KIRREL3: variants seen among roughly 807,000 people sequenced by gnomAD.
KIRREL3 encodes the protein kirre like nephrin family adhesion molecule 3.
In KIRREL3, 36 loss-of-function variants were observed where a neutral mutation model predicts 89.7. That is an observed-to-expected ratio of 0.40 (90% CI 0.31 to 0.53). The LOEUF (loss-of-function observed/expected upper bound fraction) is 0.53, where lower values mean the gene tolerates loss of function less well. Ranked by LOEUF, KIRREL3 falls within the 20% of genes least tolerant of loss-of-function variation. The probability of loss-of-function intolerance (pLI) is 0.49; values close to 1 mark genes in which losing one functional copy is unlikely to be tolerated. For missense variants in KIRREL3, 864 were observed against 1,056.6 expected, an observed-to-expected ratio of 0.82 and a Z score of 2.53; for synonymous variants, 445 against 441.4, an observed-to-expected ratio of 1.01 and a Z score of -0.10.
intron 1 of KIRREL3, among the ~76,000 whole-genome samples, chr11:126,595,006 C>T (rs910863419): frequency 1.6e-4 from 25 of 152,356 alleles, no homozygotes; most frequent in African/African-American, 5.0e-4. Flanking sequence ...TGGGGCACCC[C>T]GTCCTGAGCG....
At position 126,502,946 on chromosome 11, in the gene KIRREL3, G is replaced by A. The variant is rs1470968729; in HGVS notation, c.433+18369C>T. ...AGGAGGTGGGGTGAGCTGGTGTGCG[G>A]CTCAGATAATCGGCCAAGCTGATTT... is the stretch of plus-strand genomic sequence containing the variant. On this transcript the variant is annotated intron_variant, in intron 4 of 16. Coordinates refer to ENST00000525144, the MANE Select transcript of KIRREL3 (RefSeq NM_032531.4). 2.6e-5 allele frequency among the ~76,000 whole-genome samples: 4 copies of A among 152,064 alleles called. No homozygotes were observed. In the South Asian group the frequency reaches 8.3e-4, roughly 32 times the overall value.
intron 11 of KIRREL3, among the ~76,000 whole-genome samples, chr11:126,438,267 G>T (rs186676589): frequency 1.2e-4 from 19 of 152,362 alleles, no homozygotes; most frequent in Non-Finnish European, 1.2e-4. Context: ...GATCACCTTC[G>T]TCTGCCTTAG....
At chr11:126,644,073 C>T (rs1011879388) in intron 1 of KIRREL3, among the ~76,000 whole-genome samples, 2 of 152,114 alleles carry the variant, frequency 1.3e-5, no homozygotes, top group African/African-American at 4.8e-5. Context: ...AAGGAAGTGG[C>T]ATCAGCCTCA....
At chr11:126,968,279 A>C (rs1949333081) in intron 1 of KIRREL3, among the ~76,000 whole-genome samples, 3 of 152,206 alleles carry the variant, frequency 2.0e-5, no homozygotes, top group Admixed American at 2.0e-4. Context: ...CACAGCTTGC[A>C]TATTACAGGA....
chr11:126,659,146 C>T (rs1292283387), intron 1 of KIRREL3, among the ~76,000 whole-genome samples: 1 of 152,134 alleles, frequency 6.6e-6, no homozygotes, highest in South Asian at 2.1e-4. Context: ...TAGTCATGAA[C>T]GTTAATAATA....
rs1244101481 is a variant in KIRREL3 at position 126,497,201 on chromosome 11, TGAGTGTGAGTGTGTGA to T, written c.434-23751_434-23736del. Among the ~76,000 whole-genome samples the T allele has an allele frequency of 6.0e-3, 232 of 38,892 alleles. 1 individual carries two copies. Among genetic ancestry groups the T allele is most frequent in the African/African-American group, 0.02 (218 of 11,030 alleles). 25.5% of individuals were successfully genotyped at this position (38,892 alleles called of 152,430 possible). ...GAGTGTGTGAGAGTGTGAGTGTGTG[TGAGTGTGAGTGTGTGA>T]GAGTGAGTGTGTGTGAGACAGTGTG... On this transcript the variant is annotated intron_variant, in intron 4 of 16. Coordinates refer to ENST00000525144, the MANE Select transcript of KIRREL3 (RefSeq NM_032531.4).
In KIRREL3 at chr11:126,697,747, G is replaced by C. The variant is rs1487579353; in HGVS notation, c.56-134835C>G. 9.2e-5 allele frequency among the ~76,000 whole-genome samples: 14 copies of C among 152,160 alleles called. No individual in the cohort carries two copies. Among genetic ancestry groups the C allele is most frequent in the Admixed American group, 9.2e-4 (14 of 15,274 alleles). On this transcript the variant is annotated intron_variant, in intron 1 of 16. Transcript: ENST00000525144. This position sits in a 1 kb window ranked among gnomAD's most constrained non-coding sequence, Gnocchi z 4.2. ...GACTCAGCTTCTCCCGGGGCCTCCG[G>C]GTGGGTCCCATGATTGCTCTGATCA...
intron 1 of KIRREL3, among the ~76,000 whole-genome samples, chr11:126,582,603 C>A (rs1418959709): frequency 1.3e-5 from 2 of 152,100 alleles, no homozygotes; most frequent in Non-Finnish European, 2.9e-5. Context: ...ACCTTAGCTG[C>A]AGGTCAGGTG....
In KIRREL3 at chr11:126,782,546, G is replaced by A. The variant is rs141320695; in HGVS notation, c.55+217909C>T. ...TTGTATTAATTCAGAAAAGAAATTC[G>A]TAGGTTTACAATTCTATATGCTGTA... On this transcript the variant is annotated intron_variant, in intron 1 of 16. Transcript: ENST00000525144. The surrounding 1 kb of genome is among the most constrained non-coding windows in gnomAD (Gnocchi z 4.1). Among the ~76,000 whole-genome samples the A allele has an allele frequency of 1.4e-4, 21 of 152,268 alleles. No individual in the cohort carries two copies. The highest frequency in any genetic ancestry group is 1.9e-4 in the African/African-American group (8 of 41,548).
rs111320623 is a variant in KIRREL3, at chr11:126,440,216, C to T, written c.1353+233G>A. ...GGAATTTGGTCAGAGCCGTTCATGT[C>T]AGAGCTCAGCAGAATGGCAGCTGAA... On this transcript the variant is annotated intron_variant, in intron 11 of 16. Transcript: ENST00000525144. The T allele has an allele frequency of 1.0e-3, 716 of 693,332 alleles. 8 individuals carry two copies. In the African/African-American group the frequency reaches 0.011, roughly 11 times the overall value. The allele number at this position is 693,332 out of a possible 1,614,324, so 42.9% of individuals were successfully genotyped here.
Position 126,954,284 on chromosome 11 carries a change from C to A in KIRREL3, c.55+46171G>T, listed in dbSNP as rs1036097239. 6.6e-6 allele frequency among the ~76,000 whole-genome samples: 1 copy of A among 151,584 alleles called. No homozygotes were observed. The highest frequency in any genetic ancestry group is 1.5e-5 in the Non-Finnish European group (1 of 67,922). ...GCCTCTTAAAAAAAAAAAAGCCCTG[C>A]CTCACAGTTGACATTTTATTTTATA... On this transcript the variant is annotated intron_variant, in intron 1 of 16. Coordinates refer to ENST00000525144, the MANE Select transcript of KIRREL3 (RefSeq NM_032531.4). This position sits in a 1 kb window ranked among gnomAD's most constrained non-coding sequence, Gnocchi z 4.1.
At chr11:126,426,889 T>C (rs926122815) in intron 15 of KIRREL3, among the ~76,000 whole-genome samples, 1 of 152,238 alleles carries the variant, frequency 6.6e-6, no homozygotes, top group Non-Finnish European at 1.5e-5. Context: ...GGAGACCTTC[T>C]TTCCCATCAG....
At chr11:126,632,798 A>G (rs1404270215) in intron 1 of KIRREL3, among the ~76,000 whole-genome samples, 1 of 92,240 alleles carries the variant, frequency 1.1e-5, no homozygotes, top group Non-Finnish European at 2.4e-5. Flanking sequence ...ACTTAAAAAA[A>G]AAAAAAAAAA....
intron 1 of KIRREL3, among the ~76,000 whole-genome samples, chr11:126,939,979 T>C (rs1161386259): frequency 6.6e-6 from 1 of 152,208 alleles, no homozygotes; most frequent in Non-Finnish European, 1.5e-5. Flanking sequence ...TTACCTCCTC[T>C]GACTTTTCAC....
chr11:126,923,195 C>CTTCTCTTA (rs1947472204), intron 1 of KIRREL3, among the ~76,000 whole-genome samples: 1 of 9,280 alleles, frequency 1.1e-4, no homozygotes, highest in South Asian at 5.9e-3. Flanking sequence ...TTCTCTTCTT[C>CTTCTCTTA]TTCTTCTTCT....
intron 5 of KIRREL3, among the ~76,000 whole-genome samples, chr11:126,467,321 G>T (rs779655121): frequency 6.6e-6 from 1 of 152,184 alleles, no homozygotes; most frequent in Non-Finnish European, 1.5e-5. Flanking sequence ...CTGGGAGGCC[G>T]GTCTTCCCAG....
rs573959693 is a variant in KIRREL3 at position 126,762,584 on chromosome 11, C to A, written c.56-199672G>T. Among the ~76,000 whole-genome samples the A allele has an allele frequency of 2.6e-5, 4 of 152,296 alleles. No individual in the cohort carries two copies. In the South Asian group the frequency reaches 8.3e-4, roughly 32 times the overall value. On this transcript the variant is annotated intron_variant, in intron 1 of 16. Coordinates refer to ENST00000525144, the MANE Select transcript of KIRREL3 (RefSeq NM_032531.4). ...GCCTTTCCCATCTGTTTCTCACCTC[C>A]CCGTTGACCAGAATCTGGTCACAGC...
chr11:126,426,619 A>G (rs970203517), intron 15 of KIRREL3, among the ~76,000 whole-genome samples: 2 of 152,210 alleles, frequency 1.3e-5, no homozygotes, highest in African/African-American at 4.8e-5. Flanking sequence ...TGGGCATATG[A>G]ATTAATCTGA....
At chr11:126,998,313 G>A (rs1438333392) in intron 1 of KIRREL3, among the ~76,000 whole-genome samples, 1 of 152,142 alleles carries the variant, frequency 6.6e-6, no homozygotes, top group Non-Finnish European at 1.5e-5. Flanking sequence ...CTTGATGGCT[G>A]GACCCCTTGA....
Sources: allele counts gnomAD v4.1 joint callset (sites outside exome capture counted in the v4.1 genomes callset), GRCh38; gene constraint gnomAD v4.1.1; non-coding constraint Gnocchi (gnomAD v3.1); transcripts MANE v1.5; gene names NCBI Gene and HGNC (gene_info 2026-07-23, HGNC 2026-07-21).